CLOCK: variants seen among roughly 807,000 people sequenced by gnomAD.
The protein encoded by CLOCK is clock circadian regulator.
In CLOCK, 43 loss-of-function variants were observed where a neutral mutation model predicts 118.4. The ratio of observed to expected loss-of-function variants is 0.36; its 90% CI spans 0.28 to 0.47. The LOEUF (loss-of-function observed/expected upper bound fraction) is 0.47. Ranked by LOEUF, CLOCK falls within the 20% of genes least tolerant of loss-of-function variation. CLOCK has a pLI of 1.00. For missense variants in CLOCK, 846 were observed against 999.9 expected, an observed-to-expected ratio of 0.85 and a Z score of 2.08; for synonymous variants, 326 against 339.2, an observed-to-expected ratio of 0.96 and a Z score of 0.43.
chr4:55,475,474 T>G (rs1053742828), intron 7 of CLOCK, among the ~76,000 whole-genome samples: 1 of 152,228 alleles, frequency 6.6e-6, no homozygotes. Context: ...GACTGTAATT[T>G]TGAAAGAAGT....
intron 1 of CLOCK, 124 bp from the exon 2 acceptor site, chr4:55,510,189 T>G (rs1219605412): frequency 6.6e-6 from 1 of 152,166 alleles, no homozygotes; most frequent in Non-Finnish European, 1.5e-5. Context: ...TGCCAAGAAT[T>G]GGGAATGTGT....
rs1024513496 is a variant in CLOCK, at chr4:55,536,615, C to T, written c.-290+10167G>A. 3.3e-5 allele frequency among the ~76,000 whole-genome samples: 5 copies of T among 152,166 alleles called. 1 individual carries two copies. In the South Asian group the frequency reaches 6.2e-4, roughly 19 times the overall value. ...TACTAAGCCTCACTATAAGCAGATGCCGGCACCATGCTTCCTATACACTTT... is the reference window on the plus strand; with the variant it reads ...TACTAAGCCTCACTATAAGCAGATGTCGGCACCATGCTTCCTATACACTTT... On this transcript the variant is annotated intron_variant, in intron 1 of 22. Coordinates refer to ENST00000513440, the MANE Select transcript of CLOCK (RefSeq NM_004898.4).
intron 1 of CLOCK, among the ~76,000 whole-genome samples, chr4:55,524,163 CG>C (rs1392293780): frequency 5.9e-5 from 9 of 151,822 alleles, no homozygotes; most frequent in East Asian, 5.8e-4. Context: ...CTGAGGCGGG[CG>C]GATCACTTGA....
intron 22 of CLOCK, among the ~76,000 whole-genome samples, chr4:55,436,570 TG>T (rs1722892737): frequency 6.6e-6 from 1 of 152,204 alleles, no homozygotes; most frequent in Non-Finnish European, 1.5e-5. Flanking sequence ...GGAGCTGTGG[TG>T]GGCAATTTTT....
intron 5 of CLOCK, 126 bp from the exon 6 acceptor site, chr4:55,479,089 C>T: frequency 1.3e-6 from 1 of 744,924 alleles, no homozygotes; most frequent in South Asian, 2.2e-5. Context: ...CAAATATCTT[C>T]CAGGTTACCA....
rs1198874967 is a variant in CLOCK, at chr4:55,432,292, T to C, written c.*3123A>G. The C allele has an allele frequency of 6.6e-6, 1 of 152,104 alleles. No homozygotes were observed. Among genetic ancestry groups the C allele is most frequent in the African/African-American group, 2.4e-5 (1 of 41,408 alleles). 9.4% of individuals were successfully genotyped at this position (152,104 alleles called of 1,614,324 possible). ...TCTAAGGAGCAACTTTATTAACCCT[T>C]CTAGTTCTCACTTGCATTTGTTAAA... On this transcript the variant is annotated 3_prime_UTR_variant, in exon 23 of 23. Coordinates refer to ENST00000513440, the MANE Select transcript of CLOCK (RefSeq NM_004898.4).
At chr4:55,500,312 G>A (rs575399565) in intron 2 of CLOCK, among the ~76,000 whole-genome samples, 23 of 152,188 alleles carry the variant, frequency 1.5e-4, no homozygotes, top group African/African-American at 5.5e-4. Flanking sequence ...TTTCTATCTA[G>A]AGGGTTTTTG....
chr4:55,451,615 ATT>A, intron 15 of CLOCK, among the ~76,000 whole-genome samples: 1 of 152,328 alleles, frequency 6.6e-6, no homozygotes, highest in South Asian at 2.1e-4. Context: ...GCTGGTGTGT[ATT>A]TTGGAAACAG....
chr4:55,459,492 A>C (rs554956028), intron 9 of CLOCK, among the ~76,000 whole-genome samples: 1 of 152,162 alleles, frequency 6.6e-6, no homozygotes, highest in Non-Finnish European at 1.5e-5. Flanking sequence ...ATGTTTCCCT[A>C]TTTTTAGCTA....
At chr4:55,445,847 C>T (rs1323727643) in intron 18 of CLOCK, among the ~76,000 whole-genome samples, 2 of 151,890 alleles carry the variant, frequency 1.3e-5, no homozygotes, top group Non-Finnish European at 2.9e-5. Context: ...CCTCCTACTT[C>T]GGCCTTCCAA....
intron 1 of CLOCK, among the ~76,000 whole-genome samples, chr4:55,531,447 C>T (rs974657963): frequency 6.6e-6 from 1 of 152,144 alleles, no homozygotes; most frequent in South Asian, 2.1e-4. Context: ...TGGCTCATAT[C>T]TGTAATCCCA....
chr4:55,460,641 C>T (rs577516620), intron 9 of CLOCK, among the ~76,000 whole-genome samples: 1 of 152,320 alleles, frequency 6.6e-6, no homozygotes, highest in African/African-American at 2.4e-5. Flanking sequence ...TATGCCTCCA[C>T]ATTCTGCCAC....
In CLOCK at chr4:55,459,333, A is replaced by C. The variant is rs965554588; in HGVS notation, c.560-72T>G. The C allele has an allele frequency of 4.5e-6, 4 of 888,810 alleles. No homozygotes were observed. The African/African-American group carries it at 6.7e-5, about 15-fold the overall frequency. 55.1% of individuals were successfully genotyped at this position (888,810 alleles called of 1,614,324 possible). On this transcript the variant is annotated intron_variant, in intron 9 of 22. Coordinates refer to ENST00000513440, the MANE Select transcript of CLOCK (RefSeq NM_004898.4). ...AATGATTGATATACCACATAAAGTAAGATCATAAAAGTTGTGTAAGTTTAC... is the reference window on the plus strand; with the variant it reads ...AATGATTGATATACCACATAAAGTACGATCATAAAAGTTGTGTAAGTTTAC...
intron 1 of CLOCK, among the ~76,000 whole-genome samples, chr4:55,515,139 T>A (rs1220354799): frequency 6.6e-6 from 1 of 152,220 alleles, no homozygotes. Flanking sequence ...AATTGGTCCA[T>A]TTCATCTAGG....
chr4:55,480,099 C>T (rs1357960632), intron 4 of CLOCK, among the ~76,000 whole-genome samples: 1 of 152,172 alleles, frequency 6.6e-6, no homozygotes, highest in Non-Finnish European at 1.5e-5. Flanking sequence ...TCTAAAACCA[C>T]AATTACTCGT....
At chr4:55,438,217 T>G in intron 22 of CLOCK, 65 bp downstream of exon 22, 1 of 1,564,414 alleles carries the variant, frequency 6.4e-7, no homozygotes, top group Non-Finnish European at 8.8e-7. Context: ...TCTGTTCACT[T>G]AATGCTTAAT....
chr4:55,524,104 C>A (rs1339451070), intron 1 of CLOCK, among the ~76,000 whole-genome samples: 1 of 151,910 alleles, frequency 6.6e-6, no homozygotes, highest in South Asian at 2.1e-4. Context: ...AATATTCATA[C>A]CCGGCCGGGC....
At chr4:55,532,131 T>TA (rs1237585821) in intron 1 of CLOCK, among the ~76,000 whole-genome samples, 11 of 152,092 alleles carry the variant, frequency 7.2e-5, no homozygotes, top group Non-Finnish European at 1.3e-4. Context: ...CCTTCCATGA[T>TA]AAAAACACTC....
At chr4:55,442,908 A>C (rs1723494056) in intron 20 of CLOCK, among the ~76,000 whole-genome samples, 1 of 152,144 alleles carries the variant, frequency 6.6e-6, no homozygotes, top group Non-Finnish European at 1.5e-5. Flanking sequence ...ATTTCTGTTA[A>C]ATGCCCAAAG....
Sources: allele counts gnomAD v4.1 joint callset (sites outside exome capture counted in the v4.1 genomes callset), GRCh38; gene constraint gnomAD v4.1.1; transcripts MANE v1.5; gene names NCBI Gene and HGNC (gene_info 2026-07-23, HGNC 2026-07-21).